The following LRRIQ3 variants were observed in gnomAD, a reference collection of about 807,000 sequenced individuals.
The protein encoded by LRRIQ3 is leucine-rich repeat and IQ domain-containing protein 3.
Under a neutral mutation model 59.3 loss-of-function variants are expected in LRRIQ3, and 75 were observed. That is an observed-to-expected ratio of 1.26 (90% CI 1.05 to 1.53). The LOEUF (loss-of-function observed/expected upper bound fraction) is 1.53, where lower values mean the gene tolerates loss of function less well. Ranked by LOEUF, LRRIQ3 falls within the 40% of genes most tolerant of loss-of-function variation. The pLI, the probability that LRRIQ3 is intolerant of heterozygous loss-of-function variation, is 0.00. For missense variants in LRRIQ3, 831 were observed against 710.0 expected (o/e 1.17, Z -1.94); for synonymous variants, 250 against 231.3 (o/e 1.08, Z -0.73).
chr1:74,125,994 T>G (rs778858883), intron 4 of LRRIQ3, among the ~76,000 whole-genome samples: 16 of 151,872 alleles, frequency 1.1e-4, no homozygotes. Context: ...ATGTTTTCTT[T>G]GCTAGGAGAC....
chr1:74,098,319 A>C (rs1272767598), intron 5 of LRRIQ3, among the ~76,000 whole-genome samples: 1 of 152,214 alleles, frequency 6.6e-6, no homozygotes, highest in Non-Finnish European at 1.5e-5. Context: ...GCCATTACAA[A>C]ATTGTTAAGG....
intron 6 of LRRIQ3, among the ~76,000 whole-genome samples, chr1:74,050,855 G>C (rs1414160668): frequency 6.6e-6 from 1 of 152,144 alleles, no homozygotes; most frequent in Admixed American, 6.6e-5. Context: ...TTATAGCAAT[G>C]GTTGCAATTT....
chr1:74,159,022 T>TC (rs1335728466), intron 3 of LRRIQ3, among the ~76,000 whole-genome samples: 2 of 152,108 alleles, frequency 1.3e-5, no homozygotes, highest in African/African-American at 2.4e-5. Context: ...GGTAAAACAG[T>TC]CTGTGCTCTA....
At chr1:74,060,070 T>C (rs2100440300) in intron 6 of LRRIQ3, among the ~76,000 whole-genome samples, 1 of 152,280 alleles carries the variant, frequency 6.6e-6, no homozygotes, top group South Asian at 2.1e-4. Flanking sequence ...TATTGTTCAT[T>C]GTATTCCTTT....
chr1:74,169,502 G>A (rs1291900131), intron 3 of LRRIQ3, among the ~76,000 whole-genome samples: 1 of 152,050 alleles, frequency 6.6e-6, no homozygotes, highest in Non-Finnish European at 1.5e-5. Context: ...TTCCATAATA[G>A]CTGTACCATT....
intron 5 of LRRIQ3, among the ~76,000 whole-genome samples, chr1:74,084,430 G>T (rs1184664854): frequency 6.6e-6 from 1 of 151,684 alleles, no homozygotes; most frequent in Non-Finnish European, 1.5e-5. Context: ...ATTTCAATGA[G>T]CTCAAAAGTT....
At position 74,137,227 on chromosome 1, in the gene LRRIQ3, TA is replaced by T. The variant is rs1481323344; in HGVS notation, c.707+18505del. Among the ~76,000 whole-genome samples the T allele has an allele frequency of 9.2e-4, 140 of 152,062 alleles. 1 individual carries two copies. The highest frequency in any genetic ancestry group is 3.3e-3 in the African/African-American group (138 of 41,536). ...ACTTTTTAAAATTAAACAATCAACC[TA>T]AATTGCTACTGCAGATTTTACATAA... On this transcript the variant is annotated intron_variant, in intron 4 of 7. Transcript: ENST00000354431.
At chr1:74,164,181 T>G (rs574201411) in intron 3 of LRRIQ3, among the ~76,000 whole-genome samples, 6 of 151,444 alleles carry the variant, frequency 4.0e-5, no homozygotes, top group Admixed American at 2.6e-4. Context: ...ATACTAGTCT[T>G]TTTTCAGATA....
chr1:74,047,046 T>A (rs1390268757), intron 6 of LRRIQ3, among the ~76,000 whole-genome samples: 1 of 152,160 alleles, frequency 6.6e-6, no homozygotes, highest in African/African-American at 2.4e-5. Flanking sequence ...GTGTGGCGAT[T>A]CCTCCAGGAT....
At chr1:74,072,594 C>T (rs1655058683) in intron 6 of LRRIQ3, among the ~76,000 whole-genome samples, 1 of 151,794 alleles carries the variant, frequency 6.6e-6, no homozygotes, top group South Asian at 2.1e-4. Context: ...ATAATCAGTG[C>T]TCAGGAGTAA....
intron 3 of LRRIQ3, among the ~76,000 whole-genome samples, chr1:74,158,650 C>T (rs1648487569): frequency 6.6e-6 from 1 of 152,056 alleles, no homozygotes; most frequent in Non-Finnish European, 1.5e-5. Context: ...TTTTACCTGA[C>T]CCCTGTGTTC....
intron 5 of LRRIQ3, among the ~76,000 whole-genome samples, chr1:74,100,214 G>C (rs1051506042): frequency 6.6e-6 from 1 of 152,074 alleles, no homozygotes; most frequent in African/African-American, 2.4e-5. Flanking sequence ...CAAAGTCTCA[G>C]GATACAAAAT....
At chr1:74,154,594 G>A (rs1197118806) in intron 4 of LRRIQ3, among the ~76,000 whole-genome samples, 1 of 152,140 alleles carries the variant, frequency 6.6e-6, no homozygotes. Flanking sequence ...ATGAGCGTCA[G>A]TGAGAACCTT....
In LRRIQ3 at chr1:74,055,988, C is replaced by CA. The variant is rs542687226; in HGVS notation, c.998-14056dup. 1.5e-3 allele frequency among the ~76,000 whole-genome samples: 227 copies of CA among 151,452 alleles called. 1 individual carries two copies. The highest frequency in any genetic ancestry group is 0.014 in the Middle Eastern group (4 of 292). On this transcript the variant is annotated intron_variant, in intron 6 of 7. Transcript: ENST00000354431. ...AGAAAGCCCGTCTCTACTAAAAATA[C>CA]AAAAAAATTAGCCGGGTGTGGTGGT...
intron 6 of LRRIQ3, among the ~76,000 whole-genome samples, chr1:74,046,911 C>T (rs1654221220): frequency 1.3e-5 from 2 of 152,138 alleles, no homozygotes; most frequent in Non-Finnish European, 2.9e-5. Context: ...TACCATCTCA[C>T]ACCAGTAAGA....
At chr1:74,113,438 G>A (rs779904468) in intron 4 of LRRIQ3, among the ~76,000 whole-genome samples, 1 of 152,058 alleles carries the variant, frequency 6.6e-6, no homozygotes, top group Non-Finnish European at 1.5e-5. Flanking sequence ...TCCAATGAAT[G>A]TAAAGAGGTC....
intron 3 of LRRIQ3, 115 bp downstream of exon 3, chr1:74,182,423 T>TATATAAAATA: frequency 3.7e-6 from 2 of 547,018 alleles, no homozygotes; most frequent in Non-Finnish European, 5.7e-6. Context: ...TATATTATTT[T>TATATAAAATA]ATATAAATGA....
chr1:74,084,081 C>A, intron 5 of LRRIQ3: 1 of 1,238,236 alleles, frequency 8.1e-7, no homozygotes, highest in Non-Finnish European at 1.1e-6. Context: ...GCTGATATCC[C>A]TAGTGTCCAA....
chr1:74,138,396 G>T, intron 4 of LRRIQ3: 2 of 806,252 alleles, frequency 2.5e-6, no homozygotes, highest in Non-Finnish European at 3.0e-6. Context: ...AAAATGCCCA[G>T]ACTGTCTCCA....
Sources: allele counts gnomAD v4.1 joint callset (sites outside exome capture counted in the v4.1 genomes callset), GRCh38; gene constraint gnomAD v4.1.1; transcripts MANE v1.5; gene names NCBI Gene and HGNC (gene_info 2026-07-23, HGNC 2026-07-21).